The following DCDC2 variants were observed in gnomAD, a reference collection of about 807,000 sequenced individuals.
The protein encoded by DCDC2 is doublecortin domain containing 2.
A neutral mutation model predicts 50.2 loss-of-function variants in DCDC2; 40 were observed. The observed-to-expected ratio is 0.80, with a 90% CI of 0.62 to 1.04. The LOEUF (loss-of-function observed/expected upper bound fraction) is 1.04, where lower values mean the gene tolerates loss of function less well. DCDC2 is among the 50% of genes least tolerant of loss of function. DCDC2 has a pLI of 0.00. For missense variants in DCDC2, 570 were observed against 581.9 expected, an observed-to-expected ratio of 0.98 and a Z score of 0.21; for synonymous variants, 234 against 210.6, an observed-to-expected ratio of 1.11 and a Z score of -0.96.
intron 8 of DCDC2, among the ~76,000 whole-genome samples, chr6:24,196,361 T>G (rs966778066): frequency 6.6e-5 from 10 of 152,170 alleles, no homozygotes; most frequent in African/African-American, 2.2e-4. Context: ...GCTCACTTCC[T>G]TTGTGTATTT....
intron 6 of DCDC2, among the ~76,000 whole-genome samples, chr6:24,286,142 T>G (rs1763605133): frequency 6.6e-6 from 1 of 152,158 alleles, no homozygotes; most frequent in Non-Finnish European, 1.5e-5. Flanking sequence ...GGGCCCTCTG[T>G]AATTCTCACC....
At chr6:24,308,760 T>C (rs991716127) in intron 2 of DCDC2, among the ~76,000 whole-genome samples, 10 of 152,274 alleles carry the variant, frequency 6.6e-5, no homozygotes, top group East Asian at 3.9e-4. Flanking sequence ...AAGAAAATTC[T>C]AGAACTAAAA....
intron 8 of DCDC2, among the ~76,000 whole-genome samples, chr6:24,193,077 A>G (rs971874689): frequency 1.3e-5 from 2 of 152,244 alleles, no homozygotes; most frequent in Non-Finnish European, 2.9e-5. Flanking sequence ...GGAAAGGAAA[A>G]TTGAAGAATC....
In DCDC2 at chr6:24,229,987, G is replaced by A. The variant is rs898588648; in HGVS notation, c.923-24885C>T. Among the ~76,000 whole-genome samples the A allele has an allele frequency of 4.6e-5, 7 of 152,122 alleles. No individual in the cohort carries two copies. The East Asian group carries it at 9.7e-4, about 21-fold the overall frequency. On this transcript the variant is annotated intron_variant, in intron 7 of 9. Transcript: ENST00000378454. The stretch of plus-strand genomic sequence containing the variant: ...GCTCTTGGCCACACAGTCCTTCCCC[G>A]GACCACAAAATGTCCAGAAATCCTC...
At chr6:24,346,951 C>A (rs951774056) in intron 2 of DCDC2, among the ~76,000 whole-genome samples, 1 of 151,960 alleles carries the variant, frequency 6.6e-6, no homozygotes, top group South Asian at 2.1e-4. Flanking sequence ...GATAATAATA[C>A]CTGTGGAATT....
At chr6:24,271,638 C>T (rs1259243209) in intron 7 of DCDC2, among the ~76,000 whole-genome samples, 2 of 152,162 alleles carry the variant, frequency 1.3e-5, no homozygotes, top group Non-Finnish European at 2.9e-5. Flanking sequence ...CTGCATCCTA[C>T]GACAGCAGGG....
At chr6:24,246,896 A>G (rs1388485110) in intron 7 of DCDC2, among the ~76,000 whole-genome samples, 1 of 152,198 alleles carries the variant, frequency 6.6e-6, no homozygotes, top group Non-Finnish European at 1.5e-5. Context: ...GTTTTGCTTC[A>G]TGAAGCATAT....
At chr6:24,275,083 G>C (rs1221831515) in intron 7 of DCDC2, among the ~76,000 whole-genome samples, 1 of 151,954 alleles carries the variant, frequency 6.6e-6, no homozygotes, top group African/African-American at 2.4e-5. Context: ...CTTTCATTTT[G>C]CTTCAAATTC....
At chr6:24,210,206 C>T (rs1761835825) in intron 7 of DCDC2, among the ~76,000 whole-genome samples, 1 of 152,068 alleles carries the variant, frequency 6.6e-6, no homozygotes, top group Non-Finnish European at 1.5e-5. Flanking sequence ...GGATCAGGTT[C>T]TCTATCTACA....
the DCDC2 span, among the ~76,000 whole-genome samples, chr6:24,378,738 T>C: frequency 2.6e-5 from 4 of 152,092 alleles, no homozygotes; most frequent in African/African-American, 9.7e-5. Context: ...CCTGCAGGCA[T>C]ATAAATTCAG....
chr6:24,301,168 G>A (rs556226216), intron 4 of DCDC2, among the ~76,000 whole-genome samples: 22 of 151,680 alleles, frequency 1.5e-4, no homozygotes, highest in Non-Finnish European at 2.7e-4. Context: ...TCAGGAGATC[G>A]AGCCCATCCT....
chr6:24,225,449 A>G (rs954252606), intron 7 of DCDC2, among the ~76,000 whole-genome samples: 1 of 152,076 alleles, frequency 6.6e-6, no homozygotes, highest in Non-Finnish European at 1.5e-5. Flanking sequence ...ATCTGCATAT[A>G]CATACTGAAC....
rs148079173 is a variant in DCDC2, at chr6:24,231,375, C to T, written c.923-26273G>A. 3.2e-3 allele frequency among the ~76,000 whole-genome samples: 492 copies of T among 152,290 alleles called. 3 individuals are homozygous for T. Among genetic ancestry groups the T allele is most frequent in the African/African-American group, 0.011 (469 of 41,560 alleles). On this transcript the variant is annotated intron_variant, in intron 7 of 9. Coordinates refer to ENST00000378454, the MANE Select transcript of DCDC2 (RefSeq NM_016356.5). Reference sequence around the variant, plus strand: ...CTTTCTGAGACCCAGGCCAGGAGCTCTGGTTGCAGGAGACCCATGAAGAAG... The same window carrying T: ...CTTTCTGAGACCCAGGCCAGGAGCTTTGGTTGCAGGAGACCCATGAAGAAG...
chr6:24,238,683 CA>C (rs1375132736), intron 7 of DCDC2, among the ~76,000 whole-genome samples: 1 of 152,160 alleles, frequency 6.6e-6, no homozygotes, highest in Non-Finnish European at 1.5e-5. Context: ...CTGAAAGAAT[CA>C]GGATGTTTTC....
intron 2 of DCDC2, among the ~76,000 whole-genome samples, chr6:24,316,968 CAT>C (rs1759680764): frequency 6.6e-6 from 1 of 150,860 alleles, no homozygotes; most frequent in African/African-American, 2.4e-5. Flanking sequence ...TCTGTATATA[CAT>C]ATGTGTATAT....
At chr6:24,273,713 A>G (rs1330555906) in intron 7 of DCDC2, among the ~76,000 whole-genome samples, 1 of 152,254 alleles carries the variant, frequency 6.6e-6, no homozygotes, top group East Asian at 1.9e-4. Context: ...TGGCTGAACC[A>G]AAGAAGCTCA....
At chr6:24,306,274 T>C (rs1329075824) in intron 2 of DCDC2, among the ~76,000 whole-genome samples, 1 of 152,154 alleles carries the variant, frequency 6.6e-6, no homozygotes, top group East Asian at 1.9e-4. Flanking sequence ...CTTTGTACTT[T>C]GACTTTGTCA....
intron 7 of DCDC2, among the ~76,000 whole-genome samples, chr6:24,269,694 G>GCTTA (rs1322833743): frequency 6.6e-6 from 1 of 152,078 alleles, no homozygotes; most frequent in African/African-American, 2.4e-5. Flanking sequence ...GGGTTGCAGA[G>GCTTA]CTTAAGTCCT....
chr6:24,347,318 C>T (rs1214350499), intron 2 of DCDC2, among the ~76,000 whole-genome samples: 1 of 152,124 alleles, frequency 6.6e-6, no homozygotes, highest in Non-Finnish European at 1.5e-5. Context: ...GATTAGTAAG[C>T]TCCATGGACA....
Sources: allele counts gnomAD v4.1 joint callset (sites outside exome capture counted in the v4.1 genomes callset), GRCh38; gene constraint gnomAD v4.1.1; transcripts MANE v1.5; gene names NCBI Gene and HGNC (gene_info 2026-07-23, HGNC 2026-07-21).